Variants in FYB1 observed in about 807,000 individuals in gnomAD.
FYB1 encodes the protein FYN-binding protein 1.
FYB1 carries 41 observed loss-of-function variants against 94.1 expected under a neutral mutation model. The observed-to-expected ratio is 0.44, with a 90% confidence interval of 0.34 to 0.57. The LOEUF (loss-of-function observed/expected upper bound fraction) is 0.57, where lower values mean the gene tolerates loss of function less well. Among genes scored for constraint, FYB1 ranks in the 20% least tolerant of loss-of-function variants. FYB1 has a pLI of 0.02. For synonymous variants in FYB1, 367 were observed against 353.2 expected (o/e 1.04, Z -0.44); for missense variants, 1,050 against 976.8 (o/e 1.07, Z -1.00).
At chr5:39,175,772 G>A (rs1052968632) in intron 2 of FYB1, among the ~76,000 whole-genome samples, 41 of 152,134 alleles carry the variant, frequency 2.7e-4, no homozygotes, top group African/African-American at 9.9e-4. Flanking sequence ...TCAAGGAAGT[G>A]TTTGGAATTG....
intron 2 of FYB1, chr5:39,169,361 G>A (rs1365666906): frequency 6.6e-6 from 5 of 754,834 alleles, no homozygotes; most frequent in African/African-American, 1.8e-5. Flanking sequence ...TACTAAACCG[G>A]TCAATTGAAC....
chr5:39,214,135 CTATTA>C (rs1195320299), intron 1 of FYB1, among the ~76,000 whole-genome samples: 2 of 152,012 alleles, frequency 1.3e-5, no homozygotes, highest in African/African-American at 4.8e-5. Context: ...AGAGAGTCAT[CTATTA>C]TTTCTAGACA....
chr5:39,231,577 A>G (rs1484455694), intron 1 of FYB1, among the ~76,000 whole-genome samples: 1 of 152,176 alleles, frequency 6.6e-6, no homozygotes, highest in Non-Finnish European at 1.5e-5. Flanking sequence ...ATTATTACAC[A>G]TTGGAGTGCT....
chr5:39,248,003 C>T (rs1041695481), intron 1 of FYB1, among the ~76,000 whole-genome samples: 1 of 151,920 alleles, frequency 6.6e-6, no homozygotes, highest in African/African-American at 2.4e-5. Context: ...ATTGGTTACT[C>T]AAGTGTAATA....
At chr5:39,117,538 T>C (rs1739688012) in intron 16 of FYB1, among the ~76,000 whole-genome samples, 1 of 152,170 alleles carries the variant, frequency 6.6e-6, no homozygotes, top group Non-Finnish European at 1.5e-5. Flanking sequence ...AATATTACAC[T>C]GCCACTGCCC....
intron 1 of FYB1, among the ~76,000 whole-genome samples, chr5:39,204,830 A>C (rs1157592640): frequency 2.6e-5 from 4 of 152,234 alleles, no homozygotes; most frequent in Admixed American, 2.6e-4. Context: ...ACAGAGCAGC[A>C]AATTCCAACT....
At chr5:39,180,357 G>A (rs1160219922) in intron 2 of FYB1, among the ~76,000 whole-genome samples, 2 of 152,134 alleles carry the variant, frequency 1.3e-5, no homozygotes, top group Non-Finnish European at 2.9e-5. Flanking sequence ...TTCCCCTGAT[G>A]CCCTTCACCA....
At chr5:39,195,581 C>T (rs1747758774) in intron 2 of FYB1, among the ~76,000 whole-genome samples, 1 of 152,212 alleles carries the variant, frequency 6.6e-6, no homozygotes, top group Non-Finnish European at 1.5e-5. Context: ...TTAATGCCCT[C>T]TGGGGCCCTC....
At chr5:39,245,908 GC>G (rs1751458140) in intron 1 of FYB1, among the ~76,000 whole-genome samples, 1 of 152,132 alleles carries the variant, frequency 6.6e-6, no homozygotes, top group Admixed American at 6.5e-5. Context: ...CCTGGAACAG[GC>G]TTTTGTACAG....
At chr5:39,162,085 G>A (rs1158367911) in intron 2 of FYB1, among the ~76,000 whole-genome samples, 2 of 152,130 alleles carry the variant, frequency 1.3e-5, no homozygotes, top group African/African-American at 4.8e-5. Flanking sequence ...CCATTCATCA[G>A]TTGATGAACA....
intron 3 of FYB1, among the ~76,000 whole-genome samples, chr5:39,151,683 G>A (rs1261315727): frequency 6.6e-6 from 1 of 152,142 alleles, no homozygotes. Context: ...TATTACAAAA[G>A]CACAATGTAG....
rs575940206 is a variant in FYB1 at position 39,201,903 on chromosome 5, A to C, written c.1058T>G (p.Leu353Trp). The C allele has an allele frequency of 6.2e-7, 1 of 1,613,994 alleles. No homozygotes were observed. The highest frequency in any genetic ancestry group is 1.3e-5 in the African/African-American group (1 of 75,042). Reference sequence around the variant, plus strand: ...GTTGGGTTTTGGTGGAGGTGGACCCAAGGTAAACAAGGGAGGCAATGGCTT... The same window carrying C: ...GTTGGGTTTTGGTGGAGGTGGACCCCAGGTAAACAAGGGAGGCAATGGCTT... ...KQKPLPPLFT[L>W]GPPPPKPNRP... The change falls in exon 2 of 19, where the codon TTG (leucine) becomes TGG (tryptophan). Residue 353 changes from leucine (L) to tryptophan (W), a missense_variant. Leu to Trp is a moderately conservative substitution (Grantham distance 61, BLOSUM62 -2). Transcript: ENST00000512982.
chr5:39,213,694 G>A (rs745443910), intron 1 of FYB1, among the ~76,000 whole-genome samples: 1 of 152,024 alleles, frequency 6.6e-6, no homozygotes, highest in African/African-American at 2.4e-5. Context: ...GAGGTGTTTA[G>A]GTAGATGACT....
At chr5:39,185,058 A>G (rs919082353) in intron 2 of FYB1, among the ~76,000 whole-genome samples, 1 of 152,122 alleles carries the variant, frequency 6.6e-6, no homozygotes, top group African/African-American at 2.4e-5. Flanking sequence ...ATTAGCGTTT[A>G]TACTTTAATT....
intron 1 of FYB1, among the ~76,000 whole-genome samples, chr5:39,241,702 C>T (rs1751213535): frequency 6.6e-6 from 1 of 152,094 alleles, no homozygotes. Flanking sequence ...GTAAGAGGTG[C>T]CATGCACAAT....
intron 1 of FYB1, among the ~76,000 whole-genome samples, chr5:39,248,820 A>T (rs1276884933): frequency 6.6e-6 from 1 of 152,126 alleles, no homozygotes; most frequent in Non-Finnish European, 1.5e-5. Flanking sequence ...CTGGATGATG[A>T]AGTGAGACTC....
chr5:39,192,692 A>G (rs1747467582), intron 2 of FYB1, among the ~76,000 whole-genome samples: 1 of 152,246 alleles, frequency 6.6e-6, no homozygotes. Flanking sequence ...GGTGAGGATA[A>G]CTATATTAAG....
intron 3 of FYB1, among the ~76,000 whole-genome samples, chr5:39,148,494 G>T (rs918610144): frequency 2.2e-5 from 3 of 137,852 alleles, no homozygotes; most frequent in African/African-American, 8.2e-5. Context: ...AAATCTTGCG[G>T]CCTTTTCTCT....
At chr5:39,170,940 C>T (rs111425932) in intron 2 of FYB1, among the ~76,000 whole-genome samples, 1 of 152,172 alleles carries the variant, frequency 6.6e-6, no homozygotes, top group Non-Finnish European at 1.5e-5. Context: ...TCAGAACGCT[C>T]CTTTCCCCTA....
Sources: allele counts gnomAD v4.1 joint callset (sites outside exome capture counted in the v4.1 genomes callset), GRCh38; gene constraint gnomAD v4.1.1; transcripts MANE v1.5; gene names NCBI Gene and HGNC (gene_info 2026-07-23, HGNC 2026-07-21).